Variants in PLPPR4 observed in about 807,000 individuals in gnomAD.
PLPPR4 encodes phospholipid phosphatase-related protein type 4.
In PLPPR4, 24 loss-of-function variants were observed where a neutral mutation model predicts 56.6. That is an observed-to-expected ratio of 0.42 (90% CI 0.31 to 0.60). PLPPR4 has a LOEUF of 0.60. Ranked by LOEUF, PLPPR4 falls within the 20% of genes least tolerant of loss-of-function variation. PLPPR4 has a pLI of 0.13. For synonymous variants in PLPPR4, 326 were observed against 328.1 expected, an observed-to-expected ratio of 0.99 and a Z score of 0.07; for missense variants, 654 against 885.8, an observed-to-expected ratio of 0.74 and a Z score of 3.32.
chr1:99,270,621 CTCT>C lies in PLPPR4; in HGVS notation c.78+5954_78+5956del, dbSNP rs542142209. 1.4e-4 allele frequency among the ~76,000 whole-genome samples: 21 copies of C among 152,302 alleles called. 1 individual carries two copies. In the South Asian group the frequency reaches 4.1e-3, roughly 30 times the overall value. On this transcript the variant is annotated intron_variant, in intron 1 of 6. Coordinates refer to ENST00000370185, the MANE Select transcript of PLPPR4 (RefSeq NM_014839.5). ...TAGCAAACATTAATTCACAAGATTT[CTCT>C]TCTATCTCATGATCTATGTACAAAT...
intron 1 of PLPPR4, among the ~76,000 whole-genome samples, chr1:99,285,020 T>C (rs1659427537): frequency 6.6e-6 from 1 of 152,164 alleles, no homozygotes. Flanking sequence ...TCAAAAGGTA[T>C]TATCAAGTAA....
intron 1 of PLPPR4, among the ~76,000 whole-genome samples, chr1:99,275,212 G>A (rs991176848): frequency 9.9e-5 from 15 of 152,082 alleles, no homozygotes; most frequent in Non-Finnish European, 2.1e-4. Context: ...TCAGCAATCT[G>A]TTATAAACAA....
At position 99,274,850 on chromosome 1, in the gene PLPPR4, G is replaced by A. The variant is rs538523627; in HGVS notation, c.78+10179G>A. Among the ~76,000 whole-genome samples, 7 of 152,198 alleles carry A rather than the reference G, an allele frequency of 4.6e-5. No homozygotes were observed. The East Asian group carries it at 5.8e-4, about 13-fold the overall frequency. Reference sequence around the variant, plus strand: ...GTTCTAAAATATCATATATAAACTCGTCAGCAGCAGTGTCTGTTCAATGCA... The same window carrying A: ...GTTCTAAAATATCATATATAAACTCATCAGCAGCAGTGTCTGTTCAATGCA... On this transcript the variant is annotated intron_variant, in intron 1 of 6. Transcript: ENST00000370185.
intron 1 of PLPPR4, among the ~76,000 whole-genome samples, chr1:99,266,782 C>G (rs1658910803): frequency 6.6e-6 from 1 of 152,180 alleles, no homozygotes; most frequent in African/African-American, 2.4e-5. Flanking sequence ...TGATGAACCA[C>G]TAAAGAGCCT....
intron 1 of PLPPR4, among the ~76,000 whole-genome samples, chr1:99,271,564 T>C (rs1323525916): frequency 6.6e-6 from 1 of 152,174 alleles, no homozygotes; most frequent in Non-Finnish European, 1.5e-5. Context: ...TTTCTCTACA[T>C]TCAGCTACTA....
chr1:99,282,778 T>C (rs1430277046), intron 1 of PLPPR4, among the ~76,000 whole-genome samples: 1 of 151,786 alleles, frequency 6.6e-6, no homozygotes, highest in African/African-American at 2.4e-5. Context: ...CTTTACCTGG[T>C]TTTCATATGG....
intron 1 of PLPPR4, among the ~76,000 whole-genome samples, chr1:99,268,688 C>T (rs1570904346): frequency 6.6e-6 from 1 of 152,144 alleles, no homozygotes; most frequent in Non-Finnish European, 1.5e-5. Flanking sequence ...AGTTTCTTAA[C>T]TCAGTTTTAC....
chr1:99,270,286 A>G (rs146131374), intron 1 of PLPPR4, among the ~76,000 whole-genome samples: 3,970 of 152,230 alleles, frequency 0.026, 169 homozygotes, highest in African/African-American at 0.087. Context: ...TCAGCCTCCC[A>G]AAGTGCTGGG....
chr1:99,285,555 G>A (rs1214364508), intron 1 of PLPPR4, among the ~76,000 whole-genome samples: 1 of 151,910 alleles, frequency 6.6e-6, no homozygotes, highest in African/African-American at 2.4e-5. Flanking sequence ...TATACTTTTT[G>A]TTCTCTGCAA....
At chr1:99,281,222 A>G (rs1192120641) in intron 1 of PLPPR4, among the ~76,000 whole-genome samples, 1 of 152,174 alleles carries the variant, frequency 6.6e-6, no homozygotes, top group Admixed American at 6.6e-5. Context: ...CAAATCCCAA[A>G]AGCTGGCAGA....
At position 99,308,805 on chromosome 1, in the gene PLPPR4, G is replaced by A. The variant is rs919740250; in HGVS notation, c.*1795G>A. The A allele has an allele frequency of 6.6e-6, 1 of 152,554 alleles. No individual in the cohort carries two copies. Among genetic ancestry groups the A allele is most frequent in the African/African-American group, 2.4e-5 (1 of 41,404 alleles). The allele number at this position is 152,554 out of a possible 1,614,324, so 9.5% of individuals were successfully genotyped here. On this transcript the variant is annotated 3_prime_UTR_variant, in exon 7 of 7. Transcript: ENST00000370185. ...TCTGGCAATTTCCTTCTCAGAGAGGGGAGTGGGAATAAAATGTTGCCTTCC... is the reference window on the plus strand; with the variant it reads ...TCTGGCAATTTCCTTCTCAGAGAGGAGAGTGGGAATAAAATGTTGCCTTCC...
chr1:99,306,217 A>C lies in PLPPR4; in HGVS notation c.1355A>C (p.Gln452Pro), dbSNP rs773201738. The C allele has an allele frequency of 3.3e-5, 53 of 1,614,144 alleles. No individual in the cohort carries two copies. Among genetic ancestry groups the C allele is most frequent in the Non-Finnish European group, 4.4e-5 (52 of 1,180,020 alleles). ...VNGDHHGPGN[Q>P]YLKIQPGAVP... is the part of the protein sequence containing the mutation. ...GGAGACCACCATGGTCCTGGCAATC[A>C]GTACCTCAAAATCCAGCCTGGCGCT... is the stretch of plus-strand genomic sequence containing the variant. The change falls in exon 7 of 7, where the codon CAG becomes CCG. Residue 452 changes from glutamine (Q) to proline (P), a missense_variant. Physicochemically the swap from Gln to Pro is moderately conservative, Grantham distance 76. Around this residue, in one of 2 missense-constraint regions of PLPPR4, gnomAD observed 468 missense variants for 554.3 expected, o/e 0.84. Coordinates refer to ENST00000370185, the MANE Select transcript of PLPPR4 (RefSeq NM_014839.5). The surrounding 1 kb of genome is among the most constrained non-coding windows in gnomAD (Gnocchi z 4.0).
At chr1:99,294,333 A>G (rs12068295) in intron 2 of PLPPR4, among the ~76,000 whole-genome samples, 8,616 of 152,248 alleles carry the variant, frequency 0.057, 787 homozygotes, top group African/African-American at 0.19. Context: ...TCCATATTAC[A>G]TGGTCTAGAC....
intron 2 of PLPPR4, among the ~76,000 whole-genome samples, chr1:99,288,933 TAAATA>T (rs979839288): frequency 4.6e-5 from 7 of 151,894 alleles, no homozygotes; most frequent in African/African-American, 1.7e-4. Flanking sequence ...AATAACTAAA[TAAATA>T]AAATATGTAC....
rs922596770 is a variant in PLPPR4, at chr1:99,299,201, A to T, written c.561A>T (p.Gly187=). 1.9e-6 allele frequency: 3 copies of T among 1,613,102 alleles called. No homozygotes were observed. Among genetic ancestry groups the T allele is most frequent in the Non-Finnish European group, 2.5e-6 (3 of 1,179,536 alleles). ...NSYIVEDICS[G]SDLTVINSGR... is the part of the protein sequence containing the mutation. ...ACATTGTGGAAGATATTTGCTCAGG[A>T]TCTGACCTCACAGTTATCAACAGTG... The change falls in exon 4 of 7, where the codon GGA becomes GGT. Residue 187 remains glycine, a synonymous_variant. Transcript: ENST00000370185.
chr1:99,305,602 T>G, intron 6 of PLPPR4, 83 bp from the exon 7 acceptor site: 2 of 1,324,696 alleles, frequency 1.5e-6, no homozygotes, highest in Non-Finnish European at 2.1e-6. Context: ...TATACCTATG[T>G]ATGTACTTCA....
At chr1:99,293,617 G>A (rs888220898) in intron 2 of PLPPR4, among the ~76,000 whole-genome samples, 3 of 152,092 alleles carry the variant, frequency 2.0e-5, no homozygotes, top group Admixed American at 6.6e-5. Flanking sequence ...TTTTATAGAA[G>A]AATTCCATCA....
At chr1:99,286,664 G>C (rs1659470330) in intron 1 of PLPPR4, among the ~76,000 whole-genome samples, 1 of 152,108 alleles carries the variant, frequency 6.6e-6, no homozygotes, top group Non-Finnish European at 1.5e-5. Flanking sequence ...AGCACAAAAG[G>C]AAGAAGAAAC....
chr1:99,284,508 C>G (rs907424079), intron 1 of PLPPR4, among the ~76,000 whole-genome samples: 1 of 151,898 alleles, frequency 6.6e-6, no homozygotes, highest in Non-Finnish European at 1.5e-5. Context: ...TGGCTGGTCT[C>G]AAACTCCTGA....
Sources: allele counts gnomAD v4.1 joint callset (sites outside exome capture counted in the v4.1 genomes callset), GRCh38; gene constraint gnomAD v4.1.1; regional missense constraint gnomAD v4.1.1; non-coding constraint Gnocchi (gnomAD v3.1); transcripts MANE v1.5; gene names NCBI Gene and HGNC (gene_info 2026-07-23, HGNC 2026-07-21).